SAP130: variants seen among roughly 807,000 people sequenced by gnomAD.
SAP130 encodes histone deacetylase complex subunit SAP130.
In SAP130, 16 loss-of-function variants were observed where a neutral mutation model predicts 103.2. That is an observed-to-expected ratio of 0.16 (90% CI 0.10 to 0.24). The LOEUF is 0.24. Ranked by LOEUF, SAP130 falls within the 10% of genes least tolerant of loss-of-function variation. The pLI is 1.00. For synonymous variants in SAP130, 477 were observed against 497.0 expected, an observed-to-expected ratio of 0.96 and a Z score of 0.53; for missense variants, 990 against 1,359.7, an observed-to-expected ratio of 0.73 and a Z score of 4.28.
In SAP130 at chr2:127,953,782, C is replaced by T. The variant is rs1559035294; in HGVS notation, c.2422+1204G>A. 6.6e-6 allele frequency among the ~76,000 whole-genome samples: 1 copy of T among 152,174 alleles called. No homozygotes were observed. Among genetic ancestry groups the T allele is most frequent in the Non-Finnish European group, 1.5e-5 (1 of 68,032 alleles). ...GGTCACTTCCTCAGTGAGGCTTTCTCCTAAAACTCTTTACACACATTCCAG... is the reference window on the plus strand; with the variant it reads ...GGTCACTTCCTCAGTGAGGCTTTCTTCTAAAACTCTTTACACACATTCCAG... On this transcript the variant is annotated intron_variant, in intron 16 of 20. Transcript: ENST00000643581. The surrounding 1 kb of genome is among the most constrained non-coding windows in gnomAD (Gnocchi z 4.0).
rs769004737 is a variant in SAP130 at position 128,028,035 on chromosome 2, G to A, written c.-102C>T. 1.6e-5 allele frequency: 15 copies of A among 957,984 alleles called. No homozygotes were observed. The highest frequency in any genetic ancestry group is 1.9e-5 in the Non-Finnish European group (15 of 804,802). The allele number at this position is 957,984 out of a possible 1,614,324, so 59.3% of individuals were successfully genotyped here. A position where few individuals can be genotyped will look rare whatever the true frequency, so the allele number is the denominator to read the frequency against. On this transcript the variant is annotated 5_prime_UTR_variant, in exon 1 of 21. Transcript: ENST00000643581. Reference sequence around the variant, plus strand: ...GACGTCCCCAGGCTCCGGACCCGCAGCCACCGCCGGGGAGCTAGCACTCTG... The same window carrying A: ...GACGTCCCCAGGCTCCGGACCCGCAACCACCGCCGGGGAGCTAGCACTCTG...
chr2:128,024,478 C>G (rs1304453201), intron 2 of SAP130, among the ~76,000 whole-genome samples: 10 of 152,130 alleles, frequency 6.6e-5, no homozygotes, highest in Non-Finnish European at 1.2e-4. Flanking sequence ...CTTTGGGAGG[C>G]TGAGAACGGA....
In SAP130 at chr2:128,000,421, A is replaced by T. The variant is rs17015864; in HGVS notation, c.903T>A (p.Ser301=). 6 of 1,614,026 alleles carry T rather than the reference A, an allele frequency of 3.7e-6. No individual in the cohort carries two copies. The highest frequency in any genetic ancestry group is 3.3e-5 in the Admixed American group (2 of 59,992). ...CAGGACGCTGAATACTGATTGCTGC[A>T]GATGGAGGATGCTGGATAGACAAGG... ...RPTLSIQHPP[S]AAISIQRPAQ... The change falls in exon 8 of 21, where the codon TCT becomes TCA. Residue 301 remains serine (S), a synonymous_variant. Coordinates refer to ENST00000643581, the MANE Select transcript of SAP130 (RefSeq NM_001330301.2).
chr2:127,964,923 C>T (rs534496198), intron 15 of SAP130, among the ~76,000 whole-genome samples: 3 of 149,720 alleles, frequency 2.0e-5, no homozygotes, highest in South Asian at 4.3e-4. Context: ...CACTTGAACC[C>T]GGGAGGCGGA....
chr2:128,000,556 C>A, intron 7 of SAP130, 102 bp from the exon 8 acceptor site: 13 of 1,324,150 alleles, frequency 9.8e-6, no homozygotes, highest in Non-Finnish European at 1.3e-5. Context: ...CTATGAAGTT[C>A]GGAGTTAAAC....
In SAP130 at chr2:127,942,561, A is replaced by G; in HGVS notation, c.2902-24T>C. The G allele has an allele frequency of 7.2e-7, 1 of 1,387,940 alleles. No individual in the cohort carries two copies. The highest frequency in any genetic ancestry group is 1.0e-6 in the Non-Finnish European group (1 of 974,740). The allele number at this position is 1,387,940 out of a possible 1,614,324, so 86.0% of individuals were successfully genotyped here. On this transcript the variant is annotated intron_variant, in intron 19 of 20. Coordinates refer to ENST00000643581, the MANE Select transcript of SAP130 (RefSeq NM_001330301.2). The surrounding 1 kb of genome is among the most constrained non-coding windows in gnomAD (Gnocchi z 4.8). ...GTCTGCAACACACAAAAGGGAGGGTATCATAAGCTCGGAAATATTTTTCTA... is the reference window on the plus strand; with the variant it reads ...GTCTGCAACACACAAAAGGGAGGGTGTCATAAGCTCGGAAATATTTTTCTA...
Position 127,996,481 on chromosome 2 carries a change from C to G in SAP130, c.1224G>C (p.Val408=), listed in dbSNP as rs768406141. 2.6e-6 allele frequency: 4 copies of G among 1,566,338 alleles called. No individual in the cohort carries two copies. In the African/African-American group the frequency reaches 4.1e-5, roughly 16 times the overall value. Residue 408 remains valine, a synonymous_variant, in exon 11 of 21, where the codon GTG becomes GTC. Coordinates refer to ENST00000643581, the MANE Select transcript of SAP130 (RefSeq NM_001330301.2). This position sits in a 1 kb window ranked among gnomAD's most constrained non-coding sequence, Gnocchi z 4.3. ...GAGAAGTGTGCGTGATCTGCTGGGG[C>G]ACCACCTTGGCTGCAAACAGTAAAT... The part of the protein sequence containing the change: ...TTSNIPVAKV[V]PQQITHTSPR...
In SAP130 at chr2:127,942,358, A is replaced by T; in HGVS notation, c.3015+66T>A. 1 of 1,218,848 alleles carries T rather than the reference A, an allele frequency of 8.2e-7. No individual in the cohort carries two copies. The highest frequency in any genetic ancestry group is 1.2e-6 in the Non-Finnish European group (1 of 822,940). The allele number at this position is 1,218,848 out of a possible 1,614,324, so 75.5% of individuals were successfully genotyped here. On this transcript the variant is annotated intron_variant, in intron 20 of 20. Transcript: ENST00000643581. This position sits in a 1 kb window ranked among gnomAD's most constrained non-coding sequence, Gnocchi z 4.8. ...TGAGGGAGACGGGGGGAAACGGGAG[A>T]AGTAGGGCTTTACAGAAAGCAACTT...
intron 14 of SAP130, among the ~76,000 whole-genome samples, chr2:127,980,496 A>G (rs1681787133): frequency 6.6e-6 from 1 of 152,318 alleles, no homozygotes; most frequent in Non-Finnish European, 1.5e-5. Context: ...ACCCTATGAC[A>G]TAGCAAATCC....
Position 128,016,378 on chromosome 2 carries a change from G to C in SAP130, c.507+11C>G, listed in dbSNP as rs765967535. ...CAGTTTGAAAATCAGCAAATTAAAA[G>C]GAAGAAAAACCTGTTGTCCACTGAT... On this transcript the variant is annotated intron_variant, in intron 4 of 20. Transcript: ENST00000643581. 6.2e-7 allele frequency: 1 copy of C among 1,602,516 alleles called. No individual in the cohort carries two copies. The highest frequency in any genetic ancestry group is 8.5e-7 in the Non-Finnish European group (1 of 1,174,276).
At chr2:128,016,717 T>C (rs918262618) in intron 3 of SAP130, among the ~76,000 whole-genome samples, 170 bp from the exon 4 acceptor site, 5 of 152,236 alleles carry the variant, frequency 3.3e-5, no homozygotes, top group African/African-American at 9.7e-5. Flanking sequence ...GTACTAGCAT[T>C]TCTATTTCAC....
At chr2:128,013,191 T>C in intron 5 of SAP130, 37 bp from the exon 6 acceptor site, 1 of 1,542,634 alleles carries the variant, frequency 6.5e-7, no homozygotes, top group Non-Finnish European at 8.7e-7. Flanking sequence ...TTTATTCTAG[T>C]TATATTCCCT....
At chr2:128,003,764 A>G (rs970828703) in intron 7 of SAP130, among the ~76,000 whole-genome samples, 9 of 151,830 alleles carry the variant, frequency 5.9e-5, no homozygotes, top group Admixed American at 6.6e-5. Flanking sequence ...TACCTTATCT[A>G]AAACGTTTGA....
chr2:127,942,016 T>C lies in SAP130; in HGVS notation c.3164A>G (p.Glu1055Gly). The C allele has an allele frequency of 6.3e-7, 1 of 1,580,740 alleles. No individual in the cohort carries two copies. The highest frequency in any genetic ancestry group is 1.1e-5 in the South Asian group (1 of 89,446). Reference protein sequence around the residue: ...VKKVSKLKRKEKV With the variant: ...VKKVSKLKRKGKV ...CTGATTGTTCTGGGTCTAGACTTTT[T>C]CCTTTCGCTTCAATTTGGACACTTT... is the stretch of plus-strand genomic sequence containing the variant. The change falls in exon 21 of 21, where the codon GAA becomes GGA. Residue 1055 changes from glutamate to glycine, a missense_variant. By Grantham distance (98) the Glu-to-Gly change is moderately conservative. Transcript: ENST00000643581. This position sits in a 1 kb window ranked among gnomAD's most constrained non-coding sequence, Gnocchi z 4.8.
rs552744984 is a variant in SAP130, at chr2:128,015,425, G to C, written c.508-511C>G. Among the ~76,000 whole-genome samples, 128 of 152,190 alleles carry C rather than the reference G, an allele frequency of 8.4e-4. 1 individual carries two copies. Among genetic ancestry groups the C allele is most frequent in the Non-Finnish European group, 1.1e-3 (77 of 68,014 alleles). ...CAGAGTTCAGGGCTTCTCAGCTAAGGGTTCTGGTACTTCTGAGAGTACTCA... is the reference window on the plus strand; with the variant it reads ...CAGAGTTCAGGGCTTCTCAGCTAAGCGTTCTGGTACTTCTGAGAGTACTCA... On this transcript the variant is annotated intron_variant, in intron 4 of 20. Coordinates refer to ENST00000643581, the MANE Select transcript of SAP130 (RefSeq NM_001330301.2).
intron 2 of SAP130, among the ~76,000 whole-genome samples, chr2:128,023,401 C>T (rs548938108): frequency 3.3e-5 from 5 of 152,178 alleles, no homozygotes; most frequent in Admixed American, 6.5e-5. Flanking sequence ...CCTTGGCCTC[C>T]CATGGTGCTG....
chr2:128,005,255 G>GA (rs1420395107), intron 7 of SAP130, among the ~76,000 whole-genome samples: 1 of 152,180 alleles, frequency 6.6e-6, no homozygotes, highest in African/African-American at 2.4e-5. Flanking sequence ...AGACAATGCT[G>GA]AAAATGCAGT....
rs577209927 is a variant in SAP130, at chr2:127,941,400, G to C, written c.*606C>G. 1.3e-5 allele frequency: 2 copies of C among 152,248 alleles called. No homozygotes were observed. Among genetic ancestry groups the C allele is most frequent in the African/African-American group, 2.4e-5 (1 of 41,428 alleles). The allele number at this position is 152,248 out of a possible 1,614,324, so 9.4% of individuals were successfully genotyped here. On this transcript the variant is annotated 3_prime_UTR_variant, in exon 21 of 21. Transcript: ENST00000643581. Reference sequence around the variant, plus strand: ...CCACAAAAACCCAGTTCTGACACACGCAAGACAGACGATATAACAATTTCA... The same window carrying C: ...CCACAAAAACCCAGTTCTGACACACCCAAGACAGACGATATAACAATTTCA...
At chr2:128,005,444 C>G (rs1683885261) in intron 7 of SAP130, among the ~76,000 whole-genome samples, 1 of 151,826 alleles carries the variant, frequency 6.6e-6, no homozygotes, top group African/African-American at 2.4e-5. Flanking sequence ...TGGCAAACCC[C>G]CATCTACTAA....
Sources: gnomAD v4.1 joint callset for allele counts (sites outside exome capture counted in the v4.1 genomes callset) on GRCh38, gnomAD v4.1.1 for gene constraint, Gnocchi (gnomAD v3.1) non-coding constraint, MANE v1.5 for transcripts, NCBI Gene and HGNC (gene_info 2026-07-23, HGNC 2026-07-21) for gene names.